Variants in STK32B observed in about 807,000 individuals in gnomAD.
The protein encoded by STK32B is serine/threonine-protein kinase 32B.
STK32B carries 43 observed loss-of-function variants against 52.6 expected under a neutral mutation model. The ratio of observed to expected loss-of-function variants is 0.82; its 90% CI spans 0.64 to 1.05. The LOEUF is 1.05. Among genes scored for constraint, STK32B ranks in the 50% least tolerant of loss-of-function variants. The pLI, the probability that STK32B is intolerant of heterozygous loss-of-function variation, is 0.00. For missense variants in STK32B, 621 were observed against 534.6 expected, an observed-to-expected ratio of 1.16 and a Z score of -1.59; for synonymous variants, 238 against 204.3, an observed-to-expected ratio of 1.17 and a Z score of -1.41.
At chr4:5,187,886 A>G (rs1720869472) in intron 3 of STK32B, among the ~76,000 whole-genome samples, 1 of 152,160 alleles carries the variant, frequency 6.6e-6, no homozygotes, top group Admixed American at 6.5e-5. Flanking sequence ...TGAGTAAGTG[A>G]TGGATGCTAC....
intron 1 of STK32B, among the ~76,000 whole-genome samples, chr4:5,136,610 G>A (rs918593871): frequency 1.3e-5 from 2 of 152,100 alleles, no homozygotes; most frequent in African/African-American, 4.8e-5. Context: ...AGGACAAGAT[G>A]GTCACCCAAA....
At chr4:5,308,607 T>C (rs1427668929) in intron 3 of STK32B, among the ~76,000 whole-genome samples, 1 of 152,188 alleles carries the variant, frequency 6.6e-6, no homozygotes, top group Admixed American at 6.5e-5. Flanking sequence ...ATGTGCCAGG[T>C]GCCTTCTTCT....
At chr4:5,299,152 A>T (rs1458385003) in intron 3 of STK32B, among the ~76,000 whole-genome samples, 2 of 151,470 alleles carry the variant, frequency 1.3e-5, no homozygotes, top group East Asian at 3.9e-4. Flanking sequence ...TTCCAGTGAG[A>T]TGAACTGGGT....
At chr4:5,357,105 A>ATGTATATACACACACACC (rs1734240501) in intron 4 of STK32B, among the ~76,000 whole-genome samples, 1 of 151,990 alleles carries the variant, frequency 6.6e-6, no homozygotes, top group African/African-American at 2.4e-5. Context: ...ACACACACAC[A>ATGTATATACACACACACC]CACACATATA....
intron 2 of STK32B, among the ~76,000 whole-genome samples, chr4:5,165,701 T>G (rs1458939185): frequency 6.6e-6 from 1 of 152,194 alleles, no homozygotes; most frequent in Non-Finnish European, 1.5e-5. Flanking sequence ...AGTCTTTGCT[T>G]GGATTCCCAC....
chr4:5,051,591 G>C lies in STK32B; in HGVS notation c.-273G>C, dbSNP rs1276923304. On this transcript the variant is annotated 5_prime_UTR_variant, in exon 1 of 12. Transcript: ENST00000282908. The stretch of plus-strand genomic sequence containing the variant: ...GAGGAGCTCCCGGGTTCCCGGGCGG[G>C]CACTGGAGTAAGGAGCTGCGAGCGC... The C allele has an allele frequency of 2.3e-6, 1 of 435,200 alleles. No homozygotes were observed. The allele number at this position is 435,200 out of a possible 1,614,324, so 27.0% of individuals were successfully genotyped here.
chr4:5,328,693 G>T (rs1732031463), intron 3 of STK32B, among the ~76,000 whole-genome samples: 1 of 152,238 alleles, frequency 6.6e-6, no homozygotes, highest in South Asian at 2.1e-4. Flanking sequence ...TTACCAAAAT[G>T]TGACACAGAG....
intron 6 of STK32B, among the ~76,000 whole-genome samples, chr4:5,427,904 C>G (rs1244021217): frequency 6.6e-6 from 1 of 151,150 alleles, no homozygotes. Context: ...TTAATTTCTT[C>G]TCTCTTATCT....
intron 8 of STK32B, chr4:5,458,864 C>G (rs1716791873): frequency 1.3e-5 from 2 of 152,166 alleles, no homozygotes; most frequent in African/African-American, 4.8e-5. Context: ...GTGTCGCAGC[C>G]AGATCACTCT....
At chr4:5,126,421 G>A (rs1036083772) in intron 1 of STK32B, among the ~76,000 whole-genome samples, 7 of 152,152 alleles carry the variant, frequency 4.6e-5, no homozygotes, top group Admixed American at 6.5e-5. Context: ...GGCTGGGCTC[G>A]CTCACTTATC....
intron 3 of STK32B, among the ~76,000 whole-genome samples, chr4:5,293,539 A>G (rs1729016273): frequency 6.6e-6 from 1 of 152,272 alleles, no homozygotes; most frequent in Non-Finnish European, 1.5e-5. Context: ...TCTAATGACC[A>G]GTGATAATGA....
At chr4:5,118,566 G>T (rs890713764) in intron 1 of STK32B, among the ~76,000 whole-genome samples, 2 of 152,190 alleles carry the variant, frequency 1.3e-5, no homozygotes, top group Non-Finnish European at 2.9e-5. Flanking sequence ...CATGTGCTCA[G>T]AGAGTCCTGC....
At chr4:5,445,803 A>T (rs370482765) in intron 6 of STK32B, among the ~76,000 whole-genome samples, 4 of 152,252 alleles carry the variant, frequency 2.6e-5, no homozygotes, top group South Asian at 4.2e-4. Context: ...ACCGGTACCC[A>T]TGAAGGAGGT....
At chr4:5,057,391 A>C (rs571016920) in intron 1 of STK32B, among the ~76,000 whole-genome samples, 1 of 152,182 alleles carries the variant, frequency 6.6e-6, no homozygotes, top group Non-Finnish European at 1.5e-5. Flanking sequence ...CTCCCAAGAA[A>C]TTCCCAAAAA....
chr4:5,160,282 C>T (rs1052053530), intron 2 of STK32B, among the ~76,000 whole-genome samples: 7 of 152,124 alleles, frequency 4.6e-5, no homozygotes, highest in African/African-American at 9.7e-5. Flanking sequence ...CATAATGAAC[C>T]GCATACTCAG....
intron 4 of STK32B, among the ~76,000 whole-genome samples, chr4:5,333,951 C>T (rs189404311): frequency 0.065 from 9,907 of 152,096 alleles, 381 homozygotes; most frequent in African/African-American, 0.095. Flanking sequence ...ATTGACTTGG[C>T]GATGCGAGCT....
chr4:5,151,729 T>A (rs1199321470), intron 2 of STK32B, among the ~76,000 whole-genome samples: 1 of 152,180 alleles, frequency 6.6e-6, no homozygotes, highest in Admixed American at 6.5e-5. Context: ...TGCTAATATA[T>A]GTTAGTGGTG....
chr4:5,205,716 GTGT>G (rs1722531063), intron 3 of STK32B, among the ~76,000 whole-genome samples: 1 of 145,640 alleles, frequency 6.9e-6, no homozygotes, highest in Non-Finnish European at 1.6e-5. Flanking sequence ...GTGTGTGTGT[GTGT>G]GTGTGTGTGT....
At chr4:5,164,708 A>G (rs774936471) in intron 2 of STK32B, among the ~76,000 whole-genome samples, 5 of 152,298 alleles carry the variant, frequency 3.3e-5, no homozygotes, top group Middle Eastern at 3.4e-3. Context: ...TGAGGCTCAG[A>G]GAGGGTGGGC....
Sources: gnomAD v4.1 joint callset for allele counts (sites outside exome capture counted in the v4.1 genomes callset) on GRCh38, gnomAD v4.1.1 for gene constraint, MANE v1.5 for transcripts, NCBI Gene and HGNC (gene_info 2026-07-23, HGNC 2026-07-21) for gene names.